COL14A1: variants seen among roughly 807,000 people sequenced by gnomAD.
The protein encoded by COL14A1 is collagen type XIV alpha 1 chain.
A neutral mutation model predicts 230.3 loss-of-function variants in COL14A1; 136 were observed. The observed-to-expected ratio is 0.59, with a 90% CI of 0.51 to 0.68. The LOEUF (loss-of-function observed/expected upper bound fraction) is 0.68, where lower values mean the gene tolerates loss of function less well. Ranked by LOEUF, COL14A1 falls within the 30% of genes least tolerant of loss-of-function variation. COL14A1 has a pLI of 0.00. For missense variants in COL14A1, 1,976 were observed against 2,215.8 expected, an observed-to-expected ratio of 0.89 and a Z score of 2.17; for synonymous variants, 792 against 784.1, an observed-to-expected ratio of 1.01 and a Z score of -0.17.
At chr8:120,220,471 A>G (rs1462055547) in intron 14 of COL14A1, among the ~76,000 whole-genome samples, 1 of 151,994 alleles carries the variant, frequency 6.6e-6, no homozygotes, top group Non-Finnish European at 1.5e-5. Context: ...ATAGGGTTTC[A>G]CCATGTTGGC....
rs775378257 is a variant in COL14A1 at position 120,369,121 on chromosome 8, A to G, written c.5156-209A>G. On this transcript the variant is annotated intron_variant, in intron 46 of 47. Transcript: ENST00000297848. The stretch of plus-strand genomic sequence containing the variant: ...TTGCCAGTTTCCTGAGCTGATTGAG[A>G]GCATTGACCTCCAGGAGGATAAGTG... 5.3e-5 allele frequency among the ~76,000 whole-genome samples: 8 copies of G among 152,208 alleles called. 1 individual carries two copies. The highest frequency in any genetic ancestry group is 1.2e-4 in the Non-Finnish European group (8 of 68,042).
Position 120,228,949 on chromosome 8 carries a change from G to A in COL14A1, c.2197+180G>A, listed in dbSNP as rs139913427. ...CTCAACACCTTCCTTGCCACTAAATGCCCATGGATCTCCTAGTCAACTGAT... is the reference window on the plus strand; with the variant it reads ...CTCAACACCTTCCTTGCCACTAAATACCCATGGATCTCCTAGTCAACTGAT... On this transcript the variant is annotated intron_variant, in intron 18 of 47. Transcript: ENST00000297848. Among the ~76,000 whole-genome samples, 91 of 151,978 alleles carry A rather than the reference G, an allele frequency of 6.0e-4. No individual in the cohort carries two copies. In the East Asian group the frequency reaches 0.016, roughly 28 times the overall value.
intron 45 of COL14A1, among the ~76,000 whole-genome samples, chr8:120,359,686 A>T (rs914164410): frequency 3.3e-5 from 5 of 152,180 alleles, no homozygotes; most frequent in Admixed American, 1.3e-4. Flanking sequence ...TTGGCATTTG[A>T]TCTAACATTC....
intron 37 of COL14A1, among the ~76,000 whole-genome samples, chr8:120,312,075 C>T (rs1317946022): frequency 6.6e-6 from 1 of 151,834 alleles, no homozygotes; most frequent in African/African-American, 2.4e-5. Flanking sequence ...CCAGCCTGGG[C>T]AAGACAGGGC....
At chr8:120,367,827 C>T (rs866441227) in intron 46 of COL14A1, among the ~76,000 whole-genome samples, 73 of 151,910 alleles carry the variant, frequency 4.8e-4, no homozygotes, top group African/African-American at 1.8e-3. Flanking sequence ...TGCTTGTAGT[C>T]CCAGCTACTT....
At chr8:120,158,620 C>G (rs577823494) in intron 3 of COL14A1, among the ~76,000 whole-genome samples, 1 of 152,072 alleles carries the variant, frequency 6.6e-6, no homozygotes, top group African/African-American at 2.4e-5. Flanking sequence ...CAGCATTATA[C>G]ATTGAAATTA....
intron 19 of COL14A1, among the ~76,000 whole-genome samples, chr8:120,236,214 G>A (rs1818438683): frequency 6.6e-6 from 1 of 152,128 alleles, no homozygotes; most frequent in South Asian, 2.1e-4. Flanking sequence ...TGACAGTGGG[G>A]TGTTAAAGTT....
At position 120,216,159 on chromosome 8, in the gene COL14A1, A is replaced by G. The variant is rs1817743386; in HGVS notation, c.1598-192A>G. On this transcript the variant is annotated intron_variant, in intron 13 of 47. Transcript: ENST00000297848. The stretch of plus-strand genomic sequence containing the variant: ...TACTGCTATTTATTCTCTACAAAGA[A>G]AACTTTTTTCTTTGCTAATTAGAGA... Among the ~76,000 whole-genome samples the G allele has an allele frequency of 2.0e-5, 3 of 152,168 alleles. No individual in the cohort carries two copies. In the South Asian group the frequency reaches 6.2e-4, roughly 32 times the overall value.
At chr8:120,240,118 A>G (rs1586795494) in intron 19 of COL14A1, among the ~76,000 whole-genome samples, 2 of 152,130 alleles carry the variant, frequency 1.3e-5, no homozygotes, top group East Asian at 3.8e-4. Flanking sequence ...ACCCAGTTAA[A>G]CAAACCTGTA....
At chr8:120,274,642 T>C (rs1819782445) in intron 26 of COL14A1, among the ~76,000 whole-genome samples, 1 of 151,782 alleles carries the variant, frequency 6.6e-6, no homozygotes, top group Non-Finnish European at 1.5e-5. Flanking sequence ...AGGTTACAAA[T>C]CAATGTATAC....
chr8:120,269,940 C>A, intron 25 of COL14A1, 95 bp from the exon 26 acceptor site: 2 of 1,312,424 alleles, frequency 1.5e-6, no homozygotes, highest in Non-Finnish European at 2.1e-6. Context: ...AAAAGAGCTT[C>A]ACTTAGCAGA....
intron 31 of COL14A1, 70 bp downstream of exon 31, chr8:120,281,129 C>A: frequency 7.1e-7 from 1 of 1,407,764 alleles, no homozygotes; most frequent in Non-Finnish European, 9.7e-7. Flanking sequence ...ATGATGTCAA[C>A]TTGAAATATG....
chr8:120,201,414 T>C (rs1490836513), intron 8 of COL14A1, among the ~76,000 whole-genome samples: 1 of 152,096 alleles, frequency 6.6e-6, no homozygotes, highest in African/African-American at 2.4e-5. Flanking sequence ...TATTGGTAGT[T>C]TGGAATAAGC....
At chr8:120,243,388 C>T (rs956949993) in intron 19 of COL14A1, among the ~76,000 whole-genome samples, 7 of 152,146 alleles carry the variant, frequency 4.6e-5, no homozygotes, top group Admixed American at 1.3e-4. Context: ...ATGTGTGGTT[C>T]TGTTGCTCTT....
chr8:120,326,969 T>C (rs1821695010), intron 40 of COL14A1, among the ~76,000 whole-genome samples: 2 of 152,188 alleles, frequency 1.3e-5, no homozygotes, highest in Admixed American at 1.3e-4. Context: ...GAGGTTGCCA[T>C]GAGCCGAGAT....
chr8:120,324,717 C>G (rs571265327), intron 40 of COL14A1, among the ~76,000 whole-genome samples: 2 of 152,030 alleles, frequency 1.3e-5, no homozygotes, highest in African/African-American at 2.4e-5. Flanking sequence ...AACAATTGGC[C>G]GGAATCTTAA....
In COL14A1 at chr8:120,212,578, G is replaced by A; in HGVS notation, c.1597+1G>A. On this transcript the variant is annotated splice_donor_variant, in intron 13 of 47. Coordinates refer to ENST00000297848, the MANE Select transcript of COL14A1 (RefSeq NM_021110.4). LOFTEE classifies it high-confidence loss of function. ...CCTGTTACGGGACAAGAAACAACAT[G>A]TGAGCAGCACAGCCATTCAGTTGGG... 6.2e-7 allele frequency: 1 copy of A among 1,613,232 alleles called. No individual in the cohort carries two copies. The highest frequency in any genetic ancestry group is 1.7e-5 in the Admixed American group (1 of 59,982).
At chr8:120,259,958 A>G (rs1259538311) in intron 23 of COL14A1, among the ~76,000 whole-genome samples, 1 of 152,168 alleles carries the variant, frequency 6.6e-6, no homozygotes, top group Non-Finnish European at 1.5e-5. Context: ...AAAGCGAAAC[A>G]CTGAGTTGAC....
At chr8:120,264,077 C>A (rs773086257) in intron 24 of COL14A1, among the ~76,000 whole-genome samples, 4 of 152,080 alleles carry the variant, frequency 2.6e-5, no homozygotes, top group African/African-American at 9.7e-5. Context: ...AATTTCAGGA[C>A]GTTTCCATCA....
Sources: gnomAD v4.1 joint callset for allele counts (sites outside exome capture counted in the v4.1 genomes callset) on GRCh38, gnomAD v4.1.1 for gene constraint, MANE v1.5 for transcripts, NCBI Gene and HGNC (gene_info 2026-07-23, HGNC 2026-07-21) for gene names.